ERICH1: variants seen among roughly 807,000 people sequenced by gnomAD.
ERICH1 encodes glutamate rich 1, also known as glutamate-rich protein 1.
Under a neutral mutation model 39.6 loss-of-function variants are expected in ERICH1, and 56 were observed. The ratio of observed to expected loss-of-function variants is 1.41; its 90% CI spans 1.14 to 1.77. The LOEUF is 1.77. Among genes scored for constraint, ERICH1 ranks in the 40% most tolerant of loss-of-function variants. The pLI is 0.00. For synonymous variants in ERICH1, 313 were observed against 223.6 expected (o/e 1.40, Z -3.57); for missense variants, 826 against 575.4 (o/e 1.44, Z -4.45).
At chr8:687,022 A>G (rs958462332) in intron 3 of ERICH1, among the ~76,000 whole-genome samples, 1 of 152,246 alleles carries the variant, frequency 6.6e-6, no homozygotes, top group Non-Finnish European at 1.5e-5. Flanking sequence ...CCTTCAGGAA[A>G]GGCAAAAGGC....
At chr8:619,209 T>C (rs918989850) in intron 3 of ERICH1, among the ~76,000 whole-genome samples, 4 of 152,076 alleles carry the variant, frequency 2.6e-5, no homozygotes, top group African/African-American at 9.7e-5. Context: ...GTTAAAATGT[T>C]GAAAGCCAAA....
intron 3 of ERICH1, among the ~76,000 whole-genome samples, chr8:684,582 G>T (rs1277094499): frequency 6.6e-6 from 1 of 152,136 alleles, no homozygotes; most frequent in Admixed American, 6.6e-5. Context: ...GGGCTCTGAA[G>T]CCTGCAGCTT....
rs550233613 is a variant in ERICH1, at chr8:693,479, G to A, written c.170-867C>T. On this transcript the variant is annotated intron_variant, in intron 2 of 5. Coordinates refer to ENST00000262109, the MANE Select transcript of ERICH1 (RefSeq NM_207332.3). ...CCACTTTCCTCAATGGCCATGTGGAGCTGACCAGAGGTCGTCGCCACTGCA... is the reference window on the plus strand; with the variant it reads ...CCACTTTCCTCAATGGCCATGTGGAACTGACCAGAGGTCGTCGCCACTGCA... 4.6e-4 allele frequency among the ~76,000 whole-genome samples: 70 copies of A among 152,366 alleles called. 2 individuals are homozygous for A. The Middle Eastern group carries it at 0.02, about 44-fold the overall frequency.
chr8:728,388 G>C (rs1230089966), intron 1 of ERICH1, among the ~76,000 whole-genome samples: 4 of 152,166 alleles, frequency 2.6e-5, no homozygotes, highest in Admixed American at 6.5e-5. Context: ...AACGCCAGAT[G>C]CAGTCACTCC....
rs748726274 is a variant in ERICH1, at chr8:664,653, A to G, written c.1282T>C (p.Phe428Leu). 2.5e-5 allele frequency: 40 copies of G among 1,612,724 alleles called. No homozygotes were observed. The Admixed American group carries it at 6.7e-4, about 27-fold the overall frequency. Reference protein sequence around the residue: ...PPDHARVISAFFSYWITHILP... With the variant: ...PPDHARVISALFSYWITHILP... ...ATATGTGTGATCCAGTAACTAAAGA[A>G]AGCTGAGATTACTCTGGCATGGTCT... The change falls in exon 6 of 6, where the codon TTC becomes CTC. Residue 428 changes from phenylalanine (F) to leucine (L), a missense_variant. Coordinates refer to ENST00000262109, the MANE Select transcript of ERICH1 (RefSeq NM_207332.3).
At chr8:711,930 T>A (rs1814830265) in intron 2 of ERICH1, among the ~76,000 whole-genome samples, 1 of 152,244 alleles carries the variant, frequency 6.6e-6, no homozygotes, top group South Asian at 2.1e-4. Context: ...TGTTTGCTCC[T>A]GTATCAAAGA....
intron 3 of ERICH1, among the ~76,000 whole-genome samples, chr8:617,258 G>T (rs1170991131): frequency 1.3e-5 from 2 of 152,146 alleles, no homozygotes; most frequent in Non-Finnish European, 2.9e-5. Context: ...ATTGCTGGGA[G>T]CGTGTTCTAA....
intron 2 of ERICH1, among the ~76,000 whole-genome samples, chr8:707,450 C>T (rs949583134): frequency 6.6e-6 from 1 of 152,118 alleles, no homozygotes; most frequent in Non-Finnish European, 1.5e-5. Flanking sequence ...TCAAGTGATC[C>T]ATCCACCTCA....
At chr8:640,801 C>T (rs761389327) in intron 3 of ERICH1, 4 of 152,226 alleles carry the variant, frequency 2.6e-5, no homozygotes, top group Non-Finnish European at 5.9e-5. Context: ...GACTGAAGAT[C>T]TTCCAATTTG....
rs190663199 is a variant in ERICH1, at chr8:713,327, T to G, written c.169+2534A>C. Among the ~76,000 whole-genome samples the G allele has an allele frequency of 5.1e-3, 777 of 152,372 alleles. 6 individuals carry two copies. The highest frequency in any genetic ancestry group is 6.9e-3 in the Non-Finnish European group (469 of 68,034). ...AATTCAGCCTATAATAAGTATATTC[T>G]TTAAATGGCAAAAGTATGTGCAAAA... On this transcript the variant is annotated intron_variant, in intron 2 of 5. Coordinates refer to ENST00000262109, the MANE Select transcript of ERICH1 (RefSeq NM_207332.3).
intron 2 of ERICH1, among the ~76,000 whole-genome samples, chr8:702,556 TAGA>T (rs922695875): frequency 5.3e-5 from 8 of 152,106 alleles, no homozygotes; most frequent in African/African-American, 1.9e-4. Flanking sequence ...AACAGACACT[TAGA>T]AGAAGAAATA....
intron 3 of ERICH1, among the ~76,000 whole-genome samples, chr8:639,595 C>T (rs1395006797): frequency 2.7e-5 from 4 of 150,450 alleles, no homozygotes; most frequent in African/African-American, 9.8e-5. Flanking sequence ...CACGACCAAG[C>T]ACCCTGGATT....
At chr8:627,090 G>C (rs1346172419) in intron 3 of ERICH1, 1 of 456,086 alleles carries the variant, frequency 2.2e-6, no homozygotes, top group South Asian at 1.5e-5. Flanking sequence ...GACGGGGATG[G>C]ACGTATCCCT....
At chr8:702,854 A>T (rs1457609904) in intron 2 of ERICH1, among the ~76,000 whole-genome samples, 1 of 152,190 alleles carries the variant, frequency 6.6e-6, no homozygotes, top group Non-Finnish European at 1.5e-5. Flanking sequence ...TGCCCCGGGA[A>T]CCAGATGGAA....
chr8:627,023 C>T (rs913849171), intron 3 of ERICH1: 9 of 436,210 alleles, frequency 2.1e-5, no homozygotes, highest in South Asian at 3.2e-5. Flanking sequence ...TCATGGTGTC[C>T]GACACTCCCT....
intron 3 of ERICH1, among the ~76,000 whole-genome samples, chr8:645,507 C>A (rs1223534464): frequency 3.7e-5 from 1 of 26,730 alleles, no homozygotes; most frequent in Non-Finnish European, 8.5e-5. Flanking sequence ...TACTGTCCCC[C>A]CCAAACCTCA....
intron 3 of ERICH1, among the ~76,000 whole-genome samples, chr8:642,336 CTTTTTTTTTTT>C (rs33990765): frequency 1.7e-5 from 1 of 60,450 alleles, no homozygotes; most frequent in African/African-American, 7.2e-5. Context: ...ATGGTCTGGA[CTTTTTTTTTTT>C]TTTTTTTTTT....
intron 3 of ERICH1, among the ~76,000 whole-genome samples, chr8:622,984 A>AAATAAATAAATG (rs1282599143): frequency 2.0e-5 from 3 of 151,682 alleles, no homozygotes; most frequent in African/African-American, 7.3e-5. Context: ...ATAAATAAAT[A>AAATAAATAAATG]AAACATCAAT....
At chr8:713,242 A>G (rs1260794736) in intron 2 of ERICH1, among the ~76,000 whole-genome samples, 1 of 152,246 alleles carries the variant, frequency 6.6e-6, no homozygotes, top group South Asian at 2.1e-4. Flanking sequence ...ATTCTGAAGT[A>G]TGGGGGGTTA....
Sources: gnomAD v4.1 joint callset for allele counts (sites outside exome capture counted in the v4.1 genomes callset) on GRCh38, gnomAD v4.1.1 for gene constraint, MANE v1.5 for transcripts, NCBI Gene and HGNC (gene_info 2026-07-23, HGNC 2026-07-21) for gene names.